The following DLX1 variants were observed in gnomAD, a reference collection of about 807,000 sequenced individuals.
DLX1 encodes distal-less homeobox 1, also known as homeobox protein DLX-1.
A neutral mutation model predicts 25.0 loss-of-function variants in DLX1; 7 were observed. That is an observed-to-expected ratio of 0.28 (90% CI 0.16 to 0.52). The LOEUF is 0.52. Among genes scored for constraint, DLX1 ranks in the 20% least tolerant of loss-of-function variants. DLX1 has a pLI of 0.96. For synonymous variants in DLX1, 155 were observed against 140.3 expected, an observed-to-expected ratio of 1.10 and a Z score of -0.74; for missense variants, 233 against 334.4, an observed-to-expected ratio of 0.70 and a Z score of 2.37.
At chr2:172,087,877 G>T in intron 2 of DLX1, 126 bp from the exon 3 acceptor site, 1 of 1,317,834 alleles carries the variant, frequency 7.6e-7, no homozygotes, top group Non-Finnish European at 1.0e-6. Context: ...CTCTGGCAGG[G>T]AGCTGCCAGC....
rs1397018117 is a variant in DLX1 at position 172,088,432 on chromosome 2, G to C, written c.*175G>C. 2.4e-6 allele frequency: 2 copies of C among 819,574 alleles called. No individual in the cohort carries two copies. The highest frequency in any genetic ancestry group is 6.4e-5 in the South Asian group (2 of 31,440). 50.8% of individuals were successfully genotyped at this position (819,574 alleles called of 1,614,324 possible). A position where few individuals can be genotyped will look rare whatever the true frequency, so the allele number is the denominator to read the frequency against. On this transcript the variant is annotated 3_prime_UTR_variant, in exon 3 of 3. Coordinates refer to ENST00000361725, the MANE Select transcript of DLX1 (RefSeq NM_178120.5). ...GGCCCAGCAACTTCCCGGCATCCGC[G>C]CTCTAGCCTGAACCCTGGCCTGGGC...
chr2:172,086,907 G>C, intron 2 of DLX1, 54 bp downstream of exon 2: 1 of 1,587,324 alleles, frequency 6.3e-7, no homozygotes, highest in Non-Finnish European at 8.7e-7. Context: ...CGGCCGGCCT[G>C]CGCCCGGGTC....
chr2:172,085,984 G>T lies in DLX1; in HGVS notation c.307G>T (p.Asp103Tyr). 6.2e-7 allele frequency: 1 copy of T among 1,610,538 alleles called. No individual in the cohort carries two copies. The highest frequency in any genetic ancestry group is 1.1e-5 in the South Asian group (1 of 90,902). ...CAGCCTCGCCCAGAGCCGCCTGGAG[G>T]ACCCAGGTACGTGCGCTTGCCAGGG... ...SASLAQSRLE[D>Y]PGADSEKSTV... Residue 103 changes from aspartate to tyrosine, a missense_variant, in exon 1 of 3, where the codon GAC becomes TAC. Physicochemically the swap from Asp to Tyr is radical, Grantham distance 160. Around this residue, in one of 3 missense-constraint regions of DLX1, gnomAD observed 126 missense variants for 170.4 expected, o/e 0.74. Transcript: ENST00000361725. This position sits in a 1 kb window ranked among gnomAD's most constrained non-coding sequence, Gnocchi z 4.3.
rs1194192200 is a variant in DLX1 at position 172,086,831 on chromosome 2, C to G, written c.491C>G (p.Ser164Cys). The G allele has an allele frequency of 6.2e-7, 1 of 1,614,148 alleles. No individual in the cohort carries two copies. The highest frequency in any genetic ancestry group is 1.3e-5 in the African/African-American group (1 of 74,958). The part of the protein sequence containing the change: ...ALPERAELAA[S>C]LGLTQTQVKI... ...CCGGAGAGGGCGGAGCTCGCGGCCT[C>G]TTTGGGACTCACACAGACTCAGGTA... is the stretch of plus-strand genomic sequence containing the variant. The change falls in exon 2 of 3, where the codon TCT (serine) becomes TGT (cysteine). Residue 164 changes from serine (S) to cysteine (C), a missense_variant. Physicochemically the swap from Ser to Cys is moderately radical, Grantham distance 112. Around this residue, in one of 3 missense-constraint regions of DLX1, gnomAD observed 23 missense variants for 82.2 expected, o/e 0.28. Transcript: ENST00000361725.
At chr2:172,086,403 C>T (rs528200680) in intron 1 of DLX1, 1 of 485,940 alleles carries the variant, frequency 2.1e-6, no homozygotes, top group Non-Finnish European at 3.6e-6. Flanking sequence ...CCTCAACTAC[C>T]GCCTGCAAAA....
At chr2:172,087,697 G>T in intron 2 of DLX1, 1 of 597,990 alleles carries the variant, frequency 1.7e-6, no homozygotes, top group Non-Finnish European at 3.1e-6. Flanking sequence ...CGGTAGCCAC[G>T]GTCGGACTGA....
chr2:172,087,645 A>G, intron 2 of DLX1: 1 of 520,898 alleles, frequency 1.9e-6, no homozygotes, highest in Non-Finnish European at 3.7e-6. Flanking sequence ...TGATATTGGA[A>G]TTGCTGGCTC....
At position 172,085,592 on chromosome 2, in the gene DLX1, G is replaced by C. The variant is rs1690819996; in HGVS notation, c.-86G>C. The stretch of plus-strand genomic sequence containing the variant: ...GAAAACCCCTGTTCCGCTTAAATTG[G>C]GTTCCTTCCTGTCCTGAGAAACATA... On this transcript the variant is annotated 5_prime_UTR_variant, in exon 1 of 3. Transcript: ENST00000361725. This position sits in a 1 kb window ranked among gnomAD's most constrained non-coding sequence, Gnocchi z 4.3. The C allele has an allele frequency of 1.4e-6, 2 of 1,382,748 alleles. No individual in the cohort carries two copies. The highest frequency in any genetic ancestry group is 2.2e-5 in the Admixed American group (1 of 44,592). 85.7% of individuals were successfully genotyped at this position (1,382,748 alleles called of 1,614,324 possible). A position where few individuals can be genotyped will look rare whatever the true frequency, so the allele number is the denominator to read the frequency against.
chr2:172,087,010 C>G (rs1690855696), intron 2 of DLX1, 157 bp downstream of exon 2: 2 of 789,744 alleles, frequency 2.5e-6, no homozygotes, highest in Admixed American at 3.9e-5. Context: ...TCCTTCCTCC[C>G]TCATTCCCTC....
intron 1 of DLX1, chr2:172,086,238 G>A (rs994683602): frequency 3.6e-6 from 2 of 554,704 alleles, no homozygotes; most frequent in Non-Finnish European, 3.2e-6. Flanking sequence ...AAATCCCAGA[G>A]CGTCTCCTGG....
chr2:172,086,655 G>A lies in DLX1; in HGVS notation c.315G>A (p.Gly105=). Reference sequence around the variant, plus strand: ...GCCCTACTTCTGCTGTCCCTCCAGGGGCGGACTCGGAGAAGAGCACGGTGG... The same window carrying A: ...GCCCTACTTCTGCTGTCCCTCCAGGAGCGGACTCGGAGAAGAGCACGGTGG... ...SLAQSRLEDP[G]ADSEKSTVVE... The change falls in exon 2 of 3, where the codon GGG becomes GGA. Residue 105 remains glycine (G), a splice_region_variant and synonymous_variant. Coordinates refer to ENST00000361725, the MANE Select transcript of DLX1 (RefSeq NM_178120.5). 1.3e-6 allele frequency: 2 copies of A among 1,530,426 alleles called. No homozygotes were observed. The highest frequency in any genetic ancestry group is 1.8e-6 in the Non-Finnish European group (2 of 1,138,580). The allele number at this position is 1,530,426 out of a possible 1,614,324, so 94.8% of individuals were successfully genotyped here. A position where few individuals can be genotyped will look rare whatever the true frequency, so the allele number is the denominator to read the frequency against.
rs746459212 is a variant in DLX1, at chr2:172,085,840, G to A, written c.163G>A (p.Gly55Ser). Residue 55 changes from glycine to serine, a missense_variant, in exon 1 of 3, where the codon GGC becomes AGC. Physicochemically the swap from Gly to Ser is moderately conservative, Grantham distance 56. Transcript: ENST00000361725. This position sits in a 1 kb window ranked among gnomAD's most constrained non-coding sequence, Gnocchi z 4.3. ...CTCGGCGGGCCATTCGCAGCCCGACGGCGCCTACAGCTCAGCCTCGTCCTT... is the reference window on the plus strand; with the variant it reads ...CTCGGCGGGCCATTCGCAGCCCGACAGCGCCTACAGCTCAGCCTCGTCCTT... ...LHSAGHSQPD[G>S]AYSSASSFSR... The A allele has an allele frequency of 6.2e-6, 10 of 1,614,180 alleles. No individual in the cohort carries two copies. The highest frequency in any genetic ancestry group is 1.6e-4 in the Middle Eastern group (1 of 6,062).
At position 172,086,697 on chromosome 2, in the gene DLX1, G is replaced by A. The variant is rs768871346; in HGVS notation, c.357G>A (p.Val119=). Residue 119 remains valine, a synonymous_variant, in exon 2 of 3, where the codon GTG becomes GTA. Coordinates refer to ENST00000361725, the MANE Select transcript of DLX1 (RefSeq NM_178120.5). ...GCACGGTGGTGGAAGGCGGTGAAGTGCGCTTCAATGGCAAGGGAAAAAAGA... is the reference window on the plus strand; with the variant it reads ...GCACGGTGGTGGAAGGCGGTGAAGTACGCTTCAATGGCAAGGGAAAAAAGA... ...EKSTVVEGGE[V]RFNGKGKKIR... 1 of 1,564,692 alleles carries A rather than the reference G, an allele frequency of 6.4e-7. No individual in the cohort carries two copies. Among genetic ancestry groups the A allele is most frequent in the Non-Finnish European group, 8.7e-7 (1 of 1,152,994 alleles).
At chr2:172,086,293 GC>G (rs1407103071) in intron 1 of DLX1, 6 of 480,386 alleles carry the variant, frequency 1.2e-5, no homozygotes, top group African/African-American at 9.8e-5. Flanking sequence ...AGCACACAAT[GC>G]CCCGCTGGAA....
chr2:172,088,328 C>A lies in DLX1; in HGVS notation c.*71C>A. On this transcript the variant is annotated 3_prime_UTR_variant, in exon 3 of 3. Coordinates refer to ENST00000361725, the MANE Select transcript of DLX1 (RefSeq NM_178120.5). ...CCGCCTCCAGGTCCATCCATCCCGT[C>A]CGGAAAAGAAGGACCCAGAGGGAAG... 7.1e-7 allele frequency: 1 copy of A among 1,405,728 alleles called. No homozygotes were observed. The highest frequency in any genetic ancestry group is 9.3e-7 in the Non-Finnish European group (1 of 1,072,828). The allele number at this position is 1,405,728 out of a possible 1,614,324, so 87.1% of individuals were successfully genotyped here.
intron 1 of DLX1, 26 bp from the exon 2 acceptor site, chr2:172,086,628 G>C: frequency 1.3e-6 from 2 of 1,513,886 alleles, no homozygotes; most frequent in African/African-American, 2.8e-5. Flanking sequence ...TATTAACAAC[G>C]GGCCCTACTT....
At chr2:172,086,875 G>A (rs1187409500) in intron 2 of DLX1, 22 bp downstream of exon 2, 2 of 1,613,752 alleles carry the variant, frequency 1.2e-6, no homozygotes. Context: ...CTGCCGCTCC[G>A]TTCTGCCACG....
intron 2 of DLX1, 37 bp downstream of exon 2, chr2:172,086,890 C>A: frequency 6.2e-7 from 1 of 1,610,670 alleles, no homozygotes; most frequent in Non-Finnish European, 8.5e-7. Context: ...GCCACGCAGG[C>A]TTTCCGCGGC....
In DLX1 at chr2:172,086,689, G is replaced by T; in HGVS notation, c.349G>T (p.Gly117Cys). Residue 117 changes from glycine to cysteine, a missense_variant, in exon 2 of 3, where the codon GGT (glycine) becomes TGT (cysteine). This residue lies in a region of DLX1 where 126 missense variants were observed against 170.4 expected (regional missense o/e 0.74). Coordinates refer to ENST00000361725, the MANE Select transcript of DLX1 (RefSeq NM_178120.5). ...GGAGAAGAGCACGGTGGTGGAAGGC[G>T]GTGAAGTGCGCTTCAATGGCAAGGG... ...DSEKSTVVEG[G>C]EVRFNGKGKK... The T allele has an allele frequency of 1.3e-6, 2 of 1,558,388 alleles. No individual in the cohort carries two copies. The highest frequency in any genetic ancestry group is 1.7e-6 in the Non-Finnish European group (2 of 1,150,120).
Sources: allele counts gnomAD v4.1 joint callset, GRCh38; gene constraint gnomAD v4.1.1; regional missense constraint gnomAD v4.1.1; non-coding constraint Gnocchi (gnomAD v3.1); transcripts MANE v1.5; gene names NCBI Gene and HGNC (gene_info 2026-07-23, HGNC 2026-07-21).